Variants in PRPF40B observed in about 807,000 individuals in gnomAD.
The protein encoded by PRPF40B is pre-mRNA-processing factor 40 homolog B.
PRPF40B carries 56 observed loss-of-function variants against 124.5 expected under a neutral mutation model. The observed-to-expected ratio is 0.45, with a 90% confidence interval of 0.36 to 0.56. The LOEUF is 0.56. Ranked by LOEUF, PRPF40B falls within the 20% of genes least tolerant of loss-of-function variation. The pLI is 0.00. For missense variants in PRPF40B, 1,053 were observed against 1,169.5 expected, an observed-to-expected ratio of 0.90 and a Z score of 1.45; for synonymous variants, 443 against 426.4, an observed-to-expected ratio of 1.04 and a Z score of -0.48.
Position 49,637,744 on chromosome 12 carries a change from C to T in PRPF40B, c.1687C>T (p.Leu563=). The change falls in exon 18 of 26, where the codon CTG becomes TTG. Residue 563 remains leucine (L), a synonymous_variant. Transcript: ENST00000548825. ...CTCCCTCCTTACAGGCTCCACCCCT[C>T]TGGACTTATTCAAGTTCTATGTGGA... The part of the protein sequence containing the change: ...NMLGQPGSTP[L]DLFKFYVEEL... 1 of 1,608,432 alleles carries T rather than the reference C, an allele frequency of 6.2e-7. No individual in the cohort carries two copies.
rs1405546736 is a variant in PRPF40B at position 49,631,599 on chromosome 12, G to A, written c.228+55G>A. On this transcript the variant is annotated intron_variant, in intron 3 of 25. Transcript: ENST00000548825. The surrounding 1 kb of genome is among the most constrained non-coding windows in gnomAD (Gnocchi z 4.3). The stretch of plus-strand genomic sequence containing the variant: ...GAAAACCCTGTCAGTTTAGCTGGGG[G>A]TGGAGATAAGAGCGGGCATGTAGGC... The A allele has an allele frequency of 1.3e-5, 19 of 1,519,602 alleles. No individual in the cohort carries two copies. Among genetic ancestry groups the A allele is most frequent in the Non-Finnish European group, 1.6e-5 (18 of 1,132,846 alleles). 94.1% of individuals were successfully genotyped at this position (1,519,602 alleles called of 1,614,324 possible).
Position 49,644,426 on chromosome 12 carries a change from T to C in PRPF40B, c.*234T>C. 1.8e-6 allele frequency: 1 copy of C among 549,750 alleles called. No individual in the cohort carries two copies. The highest frequency in any genetic ancestry group is 3.2e-5 in the East Asian group (1 of 31,444). The allele number at this position is 549,750 out of a possible 1,614,324, so 34.1% of individuals were successfully genotyped here. ...TCAGCCCCAGACCAGAGATGGGTGG[T>C]ATATGCCATGTGGGGTGGGTGATGC... On this transcript the variant is annotated 3_prime_UTR_variant, in exon 26 of 26. Coordinates refer to ENST00000548825, the MANE Select transcript of PRPF40B (RefSeq NM_001031698.3).
Position 49,632,996 on chromosome 12 carries a change from GCC to G in PRPF40B, c.349-8_349-7del, listed in dbSNP as rs376648517. On this transcript the variant is annotated splice_polypyrimidine_tract_variant and intron_variant, in intron 6 of 25. Transcript: ENST00000548825. ...AAAGGGGCCTTGACCACCATTCTGT[GCC>G]CCCCCCCCCACCCAGAGGGCCCTAT... is the stretch of plus-strand genomic sequence containing the variant. 3,502 of 1,144,386 alleles carry G rather than the reference GCC, an allele frequency of 3.1e-3. 60 individuals carry two copies. Among genetic ancestry groups the G allele is most frequent in the South Asian group, 0.015 (1,067 of 70,226 alleles). 70.9% of individuals were successfully genotyped at this position (1,144,386 alleles called of 1,614,324 possible).
At chr12:49,627,620 C>G (rs1940844282) in intron 1 of PRPF40B, among the ~76,000 whole-genome samples, 1 of 152,114 alleles carries the variant, frequency 6.6e-6, no homozygotes, top group Admixed American at 6.5e-5. Flanking sequence ...AGCTGGGTAG[C>G]AGACCCCCTC....
Position 49,635,703 on chromosome 12 carries a change from C to A in PRPF40B, c.1276-140C>A. On this transcript the variant is annotated intron_variant, in intron 14 of 25. Coordinates refer to ENST00000548825, the MANE Select transcript of PRPF40B (RefSeq NM_001031698.3). This position sits in a 1 kb window ranked among gnomAD's most constrained non-coding sequence, Gnocchi z 4.1. The stretch of plus-strand genomic sequence containing the variant: ...TGGGTCTGTAACCTGTACTCCCTCC[C>A]CTTCCCTGAGACATGAAAGTCTTGA... 9.5e-7 allele frequency: 1 copy of A among 1,051,020 alleles called. No homozygotes were observed. The highest frequency in any genetic ancestry group is 2.5e-5 in the East Asian group (1 of 39,558). The allele number at this position is 1,051,020 out of a possible 1,614,324, so 65.1% of individuals were successfully genotyped here.
rs1436241719 is a variant in PRPF40B at position 49,635,453 on chromosome 12, T to G, written c.1255T>G (p.Phe419Val). The G allele has an allele frequency of 1.9e-6, 3 of 1,613,730 alleles. No individual in the cohort carries two copies. Among genetic ancestry groups the G allele is most frequent in the South Asian group, 1.1e-5 (1 of 91,018 alleles). Reference sequence around the variant, plus strand: ...AGAGGTTTATGATGATGTCCTCTTCTTCCTGGCCAAGAAGGAGAAGGTAAT... The same window carrying G: ...AGAGGTTTATGATGATGTCCTCTTCGTCCTGGCCAAGAAGGAGAAGGTAAT... The part of the protein sequence containing the change: ...RKEVYDDVLF[F>V]LAKKEKEQAK... Residue 419 changes from phenylalanine (F) to valine (V), a missense_variant, in exon 14 of 26, where the codon TTC becomes GTC. Physicochemically the swap from Phe to Val is conservative, Grantham distance 50. Around this residue, in one of 2 missense-constraint regions of PRPF40B, gnomAD observed 895 missense variants for 1,052.2 expected, o/e 0.85. Coordinates refer to ENST00000548825, the MANE Select transcript of PRPF40B (RefSeq NM_001031698.3). This position sits in a 1 kb window ranked among gnomAD's most constrained non-coding sequence, Gnocchi z 4.1.
At chr12:49,643,553 C>G in intron 23 of PRPF40B, 138 bp from the exon 24 acceptor site, 3 of 1,357,760 alleles carry the variant, frequency 2.2e-6, no homozygotes, top group Non-Finnish European at 3.0e-6. Context: ...AAGCAAGAAG[C>G]TGGAGAAGGA....
At chr12:49,638,047 A>C in intron 18 of PRPF40B, 1 of 527,586 alleles carries the variant, frequency 1.9e-6, no homozygotes, top group Non-Finnish European at 3.4e-6. Context: ...CTGTTATACA[A>C]AGGGGCAAGT....
chr12:49,635,549 C>T lies in PRPF40B; in HGVS notation c.1275+76C>T, dbSNP rs202212098. 8.3e-5 allele frequency: 113 copies of T among 1,368,870 alleles called. 1 individual carries two copies. The highest frequency in any genetic ancestry group is 5.7e-4 in the African/African-American group (39 of 68,920). 84.8% of individuals were successfully genotyped at this position (1,368,870 alleles called of 1,614,324 possible). On this transcript the variant is annotated intron_variant, in intron 14 of 25. Coordinates refer to ENST00000548825, the MANE Select transcript of PRPF40B (RefSeq NM_001031698.3). The surrounding 1 kb of genome is among the most constrained non-coding windows in gnomAD (Gnocchi z 4.1). Reference sequence around the variant, plus strand: ...TTGTCTTTGCTTTGTTATGGACCCTCGCCATTTACTTCTCTACTTCCCCAG... The same window carrying T: ...TTGTCTTTGCTTTGTTATGGACCCTTGCCATTTACTTCTCTACTTCCCCAG...
chr12:49,629,874 T>G (rs553703923), intron 1 of PRPF40B, among the ~76,000 whole-genome samples: 1 of 152,130 alleles, frequency 6.6e-6, no homozygotes, highest in African/African-American at 2.4e-5. Flanking sequence ...AGGGAGATAG[T>G]TCAGGATTTG....
chr12:49,636,029 C>T (rs1187317951), intron 15 of PRPF40B, 36 bp downstream of exon 15: 1 of 1,611,422 alleles, frequency 6.2e-7, no homozygotes, highest in East Asian at 2.2e-5. Flanking sequence ...TATCCCTTTC[C>T]CTTTCTTTAC....
chr12:49,631,876 C>T lies in PRPF40B; in HGVS notation c.245C>T (p.Pro82Leu). Reference protein sequence around the residue: ...PPLTQIPGMVPPMMPGMLMPA... With the variant: ...PPLTQIPGMVLPMMPGMLMPA... ...TATCCATAGATACCAGGAATGGTAC[C>T]TCCGATGATGCCAGGAATGCTGATG... Residue 82 changes from proline (P) to leucine (L), a missense_variant, in exon 4 of 26, where the codon CCT becomes CTT. By Grantham distance (98) the Pro-to-Leu change is moderately conservative (BLOSUM62 -3). Around this residue, in one of 2 missense-constraint regions of PRPF40B, gnomAD observed 895 missense variants for 1,052.2 expected, o/e 0.85. Coordinates refer to ENST00000548825, the MANE Select transcript of PRPF40B (RefSeq NM_001031698.3). The surrounding 1 kb of genome is among the most constrained non-coding windows in gnomAD (Gnocchi z 4.3). 1 of 1,614,154 alleles carries T rather than the reference C, an allele frequency of 6.2e-7. No individual in the cohort carries two copies. The highest frequency in any genetic ancestry group is 1.1e-5 in the South Asian group (1 of 91,084).
chr12:49,636,687 T>C lies in PRPF40B; in HGVS notation c.1427-29T>C, dbSNP rs372672216. ...CTGAGAGGGTATCCTGCTGGGACAA[T>C]GCCCGCGGAACCTCCTGCCTGTCTT... is the stretch of plus-strand genomic sequence containing the variant. On this transcript the variant is annotated intron_variant, in intron 15 of 25. Transcript: ENST00000548825. The C allele has an allele frequency of 4.9e-5, 79 of 1,612,728 alleles. 2 individuals are homozygous for C. The East Asian group carries it at 6.0e-4, about 12-fold the overall frequency.
chr12:49,633,312 G>C (rs576783809), intron 7 of PRPF40B, 115 bp from the exon 8 acceptor site: 1 of 1,462,738 alleles, frequency 6.8e-7, no homozygotes, highest in Middle Eastern at 2.5e-4. Context: ...TTTGAACCAG[G>C]CCAGGTGGTA....
intron 7 of PRPF40B, 135 bp downstream of exon 7, chr12:49,633,259 T>C: frequency 8.0e-7 from 1 of 1,253,438 alleles, no homozygotes; most frequent in Non-Finnish European, 1.1e-6. Context: ...TCACCCTCCC[T>C]GGAAATGCCT....
chr12:49,624,103 G>C (rs1940473493), intron 1 of PRPF40B: 1 of 986,538 alleles, frequency 1.0e-6, no homozygotes, highest in African/African-American at 1.7e-5. Flanking sequence ...GAGGTGGAGA[G>C]GGGGCCTCTG....
chr12:49,641,969 T>C lies in PRPF40B; in HGVS notation c.1829T>C (p.Phe610Ser). 2 of 1,613,958 alleles carry C rather than the reference T, an allele frequency of 1.2e-6. No homozygotes were observed. Among genetic ancestry groups the C allele is most frequent in the Non-Finnish European group, 1.7e-6 (2 of 1,180,040 alleles). The change falls in exon 19 of 26, where the codon TTT becomes TCT. Residue 610 changes from phenylalanine (F) to serine (S), a missense_variant. Transcript: ENST00000548825. The stretch of plus-strand genomic sequence containing the variant: ...GAGGACTTCGCCCACGTCATAAGCT[T>C]TGACAAGAGGGCTGCCGCACTGGAC... ...AFEDFAHVIS[F>S]DKRAAALDAG...
chr12:49,630,559 TG>T lies in PRPF40B; in HGVS notation c.20del (p.Gly7ValfsTer17). 1 of 1,391,816 alleles carries T rather than the reference TG, an allele frequency of 7.2e-7. No individual in the cohort carries two copies. The highest frequency in any genetic ancestry group is 1.0e-6 in the Non-Finnish European group (1 of 989,140). The allele number at this position is 1,391,816 out of a possible 1,614,324, so 86.2% of individuals were successfully genotyped here. A position where few individuals can be genotyped will look rare whatever the true frequency, so the allele number is the denominator to read the frequency against. The stretch of plus-strand genomic sequence containing the variant: ...TCCCTCAACAGTCGGTTCCCGATTC[TG>T]GTCCCCGGCCCCCAGCAGCGCCTGC... MSVPDS[G>X]PRPPAAPAPF... is the part of the protein sequence containing the mutation. On this transcript the variant is annotated frameshift_variant, in exon 2 of 26. Coordinates refer to ENST00000548825, the MANE Select transcript of PRPF40B (RefSeq NM_001031698.3). LOFTEE classifies it high-confidence loss of function.
Position 49,643,867 on chromosome 12 carries a change from C to T in PRPF40B, c.2449C>T (p.Pro817Ser). The T allele has an allele frequency of 6.2e-7, 1 of 1,614,142 alleles. No individual in the cohort carries two copies. ...GGGCTCTGGACTCTTACAGAATAGTCCTGAGAGTGAGACAGACCCTGAGGA... is the reference window on the plus strand; with the variant it reads ...GGGCTCTGGACTCTTACAGAATAGTTCTGAGAGTGAGACAGACCCTGAGGA... Reference protein sequence around the residue: ...TKKRRHKSNSPESETDPEEKA... With the variant: ...TKKRRHKSNSSESETDPEEKA... Residue 817 changes from proline to serine, a missense_variant, in exon 25 of 26, where the codon CCT becomes TCT. By Grantham distance (74) the Pro-to-Ser change is moderately conservative. Around this residue, in one of 2 missense-constraint regions of PRPF40B, gnomAD observed 895 missense variants for 1,052.2 expected, o/e 0.85. Coordinates refer to ENST00000548825, the MANE Select transcript of PRPF40B (RefSeq NM_001031698.3).
Sources: allele counts gnomAD v4.1 joint callset (sites outside exome capture counted in the v4.1 genomes callset), GRCh38; gene constraint gnomAD v4.1.1; regional missense constraint gnomAD v4.1.1; non-coding constraint Gnocchi (gnomAD v3.1); transcripts MANE v1.5; gene names NCBI Gene and HGNC (gene_info 2026-07-23, HGNC 2026-07-21).